Variants in FHOD3 observed in about 807,000 individuals in gnomAD.
The protein encoded by FHOD3 is formin homology 2 domain containing 3, also known as FH1/FH2 domain-containing protein 3.
A neutral mutation model predicts 173.0 loss-of-function variants in FHOD3; 90 were observed. The observed-to-expected ratio is 0.52, with a 90% CI of 0.44 to 0.62. The LOEUF is 0.62. Among genes scored for constraint, FHOD3 ranks in the 20% least tolerant of loss-of-function variants. The pLI, the probability that FHOD3 is intolerant of heterozygous loss-of-function variation, is 0.00. For synonymous variants in FHOD3, 828 were observed against 823.0 expected (o/e 1.01, Z -0.10); for missense variants, 1,945 against 2,034.7 (o/e 0.96, Z 0.85).
intron 7 of FHOD3, among the ~76,000 whole-genome samples, chr18:36,600,252 A>AAAACAC (rs1769790871): frequency 7.0e-6 from 1 of 143,178 alleles, no homozygotes; most frequent in Non-Finnish European, 1.5e-5. Context: ...TCTCCTCTGC[A>AAAACAC]ACACACACAC....
At chr18:36,706,213 T>C (rs547080877) in intron 17 of FHOD3, among the ~76,000 whole-genome samples, 2 of 152,262 alleles carry the variant, frequency 1.3e-5, no homozygotes, top group South Asian at 4.2e-4. Context: ...CTGTGTTTGA[T>C]TAAGACAGCT....
chr18:36,509,256 A>G (rs547983357), intron 4 of FHOD3, among the ~76,000 whole-genome samples: 4 of 152,182 alleles, frequency 2.6e-5, no homozygotes, highest in South Asian at 2.1e-4. Context: ...ACTGTGAAAA[A>G]CAGTATTTAT....
intron 5 of FHOD3, among the ~76,000 whole-genome samples, chr18:36,556,658 C>G (rs1461886645): frequency 6.6e-6 from 1 of 152,166 alleles, no homozygotes; most frequent in African/African-American, 2.4e-5. Flanking sequence ...GTTAAAAACC[C>G]CACAGAACAC....
chr18:36,469,578 A>C (rs1239795671), intron 3 of FHOD3, among the ~76,000 whole-genome samples: 2 of 152,206 alleles, frequency 1.3e-5, no homozygotes, highest in Non-Finnish European at 2.9e-5. Context: ...ACTGCTTCAT[A>C]AGCTCTCAGA....
In FHOD3 at chr18:36,611,981, C is replaced by G; in HGVS notation, c.843C>G (p.Thr281=). The G allele has an allele frequency of 6.2e-7, 1 of 1,614,050 alleles. No homozygotes were observed. Among genetic ancestry groups the G allele is most frequent in the Non-Finnish European group, 8.5e-7 (1 of 1,179,988 alleles). Residue 281 remains threonine (T), a synonymous_variant, in exon 9 of 29, where the codon ACC becomes ACG. Coordinates refer to ENST00000590592, the MANE Select transcript of FHOD3 (RefSeq NM_001281740.3). ...TATCAGGACTACCAGACCAAGACAC[C>G]TTCTACGACGTCGTGGACTGCCTGG... The part of the protein sequence containing the change: ...KTLSGLPDQD[T]FYDVVDCLEE...
At chr18:36,348,038 GGGAA>G (rs2045950388) in intron 1 of FHOD3, among the ~76,000 whole-genome samples, 8 of 152,120 alleles carry the variant, frequency 5.3e-5, no homozygotes, top group Non-Finnish European at 7.4e-5. Flanking sequence ...TGGGTTATGG[GGGAA>G]TCATTAGTCC....
intron 18 of FHOD3, among the ~76,000 whole-genome samples, chr18:36,714,374 C>T (rs545965554): frequency 6.6e-6 from 1 of 152,104 alleles, no homozygotes; most frequent in East Asian, 1.9e-4. Flanking sequence ...CCCATTTCTA[C>T]TAAAAATACA....
At chr18:36,692,670 A>G (rs1354755775) in intron 16 of FHOD3, among the ~76,000 whole-genome samples, 3 of 152,238 alleles carry the variant, frequency 2.0e-5, no homozygotes, top group Admixed American at 2.0e-4. Flanking sequence ...AAAAGTTTCC[A>G]TGGTCAGCAC....
intron 17 of FHOD3, among the ~76,000 whole-genome samples, chr18:36,703,055 A>G (rs1326062222): frequency 1.3e-5 from 2 of 152,182 alleles, no homozygotes; most frequent in African/African-American, 4.8e-5. Flanking sequence ...ACAGAGGTAT[A>G]GGGAGGTCAT....
At chr18:36,752,614 A>T (rs1600562203) in intron 24 of FHOD3, among the ~76,000 whole-genome samples, 1 of 152,206 alleles carries the variant, frequency 6.6e-6, no homozygotes, top group Non-Finnish European at 1.5e-5. Context: ...GGAATACCAT[A>T]GTTTCTCTCT....
intron 17 of FHOD3, among the ~76,000 whole-genome samples, chr18:36,696,203 G>A (rs1232501380): frequency 6.6e-6 from 1 of 152,130 alleles, no homozygotes; most frequent in East Asian, 1.9e-4. Context: ...TGTAATTAGT[G>A]TTCTGATGCC....
At chr18:36,594,057 C>T (rs1413842482) in intron 6 of FHOD3, among the ~76,000 whole-genome samples, 1 of 152,248 alleles carries the variant, frequency 6.6e-6, no homozygotes, top group African/African-American at 2.4e-5. Context: ...GACCCCAAGG[C>T]TGCCGCAGCC....
At chr18:36,431,399 G>T (rs545449821) in intron 3 of FHOD3, among the ~76,000 whole-genome samples, 1 of 152,306 alleles carries the variant, frequency 6.6e-6, no homozygotes, top group East Asian at 1.9e-4. Flanking sequence ...GGGAAGCCTG[G>T]CCTGAAAACC....
At chr18:36,688,778 A>G (rs2038785041) in intron 16 of FHOD3, among the ~76,000 whole-genome samples, 1 of 152,240 alleles carries the variant, frequency 6.6e-6, no homozygotes, top group Admixed American at 6.5e-5. Flanking sequence ...GTGCTGTGTC[A>G]AGATCTGAAC....
chr18:36,656,628 C>T (rs1256365844), intron 13 of FHOD3, among the ~76,000 whole-genome samples: 2 of 152,050 alleles, frequency 1.3e-5, no homozygotes, highest in African/African-American at 4.8e-5. Context: ...AAAAAATAGC[C>T]CATTTTTATA....
intron 17 of FHOD3, among the ~76,000 whole-genome samples, chr18:36,706,816 C>A (rs1465114975): frequency 6.6e-6 from 1 of 152,184 alleles, no homozygotes; most frequent in Non-Finnish European, 1.5e-5. Flanking sequence ...TCAGTCCATG[C>A]CACATGCTGG....
intron 3 of FHOD3, among the ~76,000 whole-genome samples, chr18:36,430,594 A>G (rs1251010966): frequency 6.6e-6 from 1 of 152,222 alleles, no homozygotes; most frequent in Non-Finnish European, 1.5e-5. Flanking sequence ...TATACAATCT[A>G]TTACATGGTA....
At chr18:36,544,669 A>G (rs2057348660) in intron 5 of FHOD3, 1 of 152,322 alleles carries the variant, frequency 6.6e-6, no homozygotes. Context: ...TGTGCTTTGG[A>G]GGAAAACATA....
chr18:36,570,254 C>T (rs1025305121), intron 5 of FHOD3, among the ~76,000 whole-genome samples: 1 of 152,014 alleles, frequency 6.6e-6, no homozygotes, highest in African/African-American at 2.4e-5. Flanking sequence ...GAACAACTCT[C>T]AGCACATAAA....
Sources: allele counts gnomAD v4.1 joint callset (sites outside exome capture counted in the v4.1 genomes callset), GRCh38; gene constraint gnomAD v4.1.1; transcripts MANE v1.5; gene names NCBI Gene and HGNC (gene_info 2026-07-23, HGNC 2026-07-21).